The following RAI14 variants were observed in gnomAD, a reference collection of about 807,000 sequenced individuals.
The protein encoded by RAI14 is retinoic acid induced 14, also known as ankycorbin.
In RAI14, 45 loss-of-function variants were observed where a neutral mutation model predicts 115.4. The ratio of observed to expected loss-of-function variants is 0.39; its 90% confidence interval spans 0.31 to 0.50. The LOEUF (loss-of-function observed/expected upper bound fraction) is 0.50. RAI14 is among the 20% of genes least tolerant of loss of function. RAI14 has a pLI of 0.85. For synonymous variants in RAI14, 371 were observed against 415.4 expected, an observed-to-expected ratio of 0.89 and a Z score of 1.30; for missense variants, 939 against 1,131.2, an observed-to-expected ratio of 0.83 and a Z score of 2.44.
At chr5:34,684,930 G>T (rs982709474) in intron 1 of RAI14, 2 of 152,242 alleles carry the variant, frequency 1.3e-5, no homozygotes, top group African/African-American at 4.8e-5. Context: ...CTCACTTGCA[G>T]TGGGCTTGAC....
intron 3 of RAI14, among the ~76,000 whole-genome samples, chr5:34,776,945 G>T (rs868681023): frequency 3.2e-4 from 48 of 152,212 alleles, no homozygotes; most frequent in Middle Eastern, 6.8e-3. Context: ...GAGGTGGGAG[G>T]ATCACTTGAG....
Position 34,824,024 on chromosome 5 carries a change from G to A in RAI14, c.2182G>A (p.Val728Ile). The A allele has an allele frequency of 6.2e-7, 1 of 1,614,086 alleles. No individual in the cohort carries two copies. Among genetic ancestry groups the A allele is most frequent in the Non-Finnish European group, 8.5e-7 (1 of 1,179,932 alleles). ...QLVDAQKENS[V>I]SITEHLQVIT... ...GGTGGATGCACAAAAAGAGAACTCTGTCTCTATCACAGAACATTTGCAAGT... is the reference window on the plus strand; with the variant it reads ...GGTGGATGCACAAAAAGAGAACTCTATCTCTATCACAGAACATTTGCAAGT... The change falls in exon 15 of 18, where the codon GTC (valine) becomes ATC (isoleucine). Residue 728 changes from valine to isoleucine, a missense_variant. Val to Ile is a conservative substitution (Grantham distance 29, BLOSUM62 3). Coordinates refer to ENST00000265109, the MANE Select transcript of RAI14 (RefSeq NM_015577.3).
chr5:34,676,348 CA>C (rs1387574388), intron 1 of RAI14, among the ~76,000 whole-genome samples: 2 of 152,146 alleles, frequency 1.3e-5, no homozygotes, highest in Admixed American at 6.5e-5. Flanking sequence ...TAATGAACAT[CA>C]AAAGATAAGT....
intron 3 of RAI14, among the ~76,000 whole-genome samples, chr5:34,768,473 C>G (rs965678184): frequency 1.3e-5 from 2 of 152,118 alleles, no homozygotes; most frequent in Admixed American, 1.3e-4. Flanking sequence ...CTGATGCTCT[C>G]AATCACCCTG....
At chr5:34,677,259 G>A (rs1291309129) in intron 1 of RAI14, among the ~76,000 whole-genome samples, 2 of 151,588 alleles carry the variant, frequency 1.3e-5, no homozygotes, top group Admixed American at 1.3e-4. Context: ...TTGTCTCCTG[G>A]CTTCAAGTGA....
At chr5:34,806,256 G>A (rs1056598045) in intron 5 of RAI14, among the ~76,000 whole-genome samples, 3 of 152,180 alleles carry the variant, frequency 2.0e-5, no homozygotes, top group Non-Finnish European at 2.9e-5. Context: ...GTGGGCCTGG[G>A]GCAGAGCAAG....
At position 34,818,871 on chromosome 5, in the gene RAI14, G is replaced by GTT. The variant is rs3884194; in HGVS notation, c.994+30_994+31dup. The GTT allele has an allele frequency of 5.2e-3, 7,355 of 1,425,326 alleles. No individual in the cohort carries two copies. Among genetic ancestry groups the GTT allele is most frequent in the South Asian group, 6.7e-3 (513 of 76,086 alleles). The allele number at this position is 1,425,326 out of a possible 1,614,324, so 88.3% of individuals were successfully genotyped here. On this transcript the variant is annotated intron_variant, in intron 13 of 17. Coordinates refer to ENST00000265109, the MANE Select transcript of RAI14 (RefSeq NM_015577.3). ...CTACAGGTAAGACAAGGAAGCATCT[G>GTT]TTTTTTTTTTTCCTTCAACCAAACT... is the stretch of plus-strand genomic sequence containing the variant.
intron 3 of RAI14, among the ~76,000 whole-genome samples, chr5:34,794,591 T>G (rs998507277): frequency 2.0e-5 from 3 of 152,186 alleles, no homozygotes; most frequent in Admixed American, 2.0e-4. Flanking sequence ...CCAGGTAAGC[T>G]AAAATAATTA....
At chr5:34,662,932 G>A (rs1169332313) in intron 1 of RAI14, among the ~76,000 whole-genome samples, 2 of 151,520 alleles carry the variant, frequency 1.3e-5, no homozygotes, top group South Asian at 2.1e-4. Flanking sequence ...TTTCATGTTG[G>A]CCATGGCTGG....
Position 34,812,163 on chromosome 5 carries a change from CA to C in RAI14, c.737-16del, listed in dbSNP as rs745408857. 5.3e-5 allele frequency: 83 copies of C among 1,567,230 alleles called. No homozygotes were observed. Among genetic ancestry groups the C allele is most frequent in the Non-Finnish European group, 7.2e-5 (82 of 1,144,080 alleles). On this transcript the variant is annotated splice_polypyrimidine_tract_variant and intron_variant, in intron 9 of 17. Coordinates refer to ENST00000265109, the MANE Select transcript of RAI14 (RefSeq NM_015577.3). ...TTATGCTTCTTATAGTTCTTTTTTTCACTTTTTCCTCTATAGATTTAAAGAC... is the reference window on the plus strand; with the variant it reads ...TTATGCTTCTTATAGTTCTTTTTTTCCTTTTTCCTCTATAGATTTAAAGAC...
intron 3 of RAI14, among the ~76,000 whole-genome samples, chr5:34,775,853 G>T (rs11949354): frequency 2.6e-5 from 4 of 152,090 alleles, no homozygotes; most frequent in South Asian, 4.1e-4. Context: ...TATGGAGAAC[G>T]GTTTGGAGGT....
At chr5:34,812,680 G>A (rs1377704712) in intron 10 of RAI14, among the ~76,000 whole-genome samples, 2 of 151,772 alleles carry the variant, frequency 1.3e-5, no homozygotes, top group African/African-American at 4.8e-5. Flanking sequence ...AAAAAAGGTG[G>A]TAAAGCTTTC....
At chr5:34,687,602 T>G in intron 2 of RAI14, 1 of 1,518,388 alleles carries the variant, frequency 6.6e-7, no homozygotes, top group South Asian at 1.3e-5. Context: ...TAATATTTTT[T>G]TAAAAGGTCA....
intron 2 of RAI14, among the ~76,000 whole-genome samples, chr5:34,741,996 A>G (rs1181399326): frequency 2.0e-5 from 3 of 152,194 alleles, no homozygotes; most frequent in Non-Finnish European, 4.4e-5. Flanking sequence ...AGTAGGAACC[A>G]AAAAGGTGTT....
intron 12 of RAI14, among the ~76,000 whole-genome samples, chr5:34,818,322 T>G (rs1056833403): frequency 6.6e-6 from 1 of 152,206 alleles, no homozygotes; most frequent in East Asian, 1.9e-4. Flanking sequence ...TTAGAAAAGT[T>G]AATAGTAACT....
chr5:34,800,551 TGA>T (rs1195268455), intron 4 of RAI14, among the ~76,000 whole-genome samples: 1 of 152,224 alleles, frequency 6.6e-6, no homozygotes, highest in Non-Finnish European at 1.5e-5. Context: ...ATAGTAGCAA[TGA>T]GAGACATCTT....
At chr5:34,777,972 C>T (rs1751096611) in intron 3 of RAI14, among the ~76,000 whole-genome samples, 1 of 152,062 alleles carries the variant, frequency 6.6e-6, no homozygotes, top group African/African-American at 2.4e-5. Flanking sequence ...GCAACAATGT[C>T]TTGTCTATTG....
chr5:34,757,117 G>A lies in RAI14; in HGVS notation c.37-351G>A, dbSNP rs768988458. ...GCTGTGGATGAGGTCAAAGGCCAACGTGCTGAGGAGCAGCTGTCTAGTTCA... is the reference window on the plus strand; with the variant it reads ...GCTGTGGATGAGGTCAAAGGCCAACATGCTGAGGAGCAGCTGTCTAGTTCA... On this transcript the variant is annotated intron_variant, in intron 2 of 17. Coordinates refer to ENST00000265109, the MANE Select transcript of RAI14 (RefSeq NM_015577.3). 5.3e-5 allele frequency among the ~76,000 whole-genome samples: 8 copies of A among 152,194 alleles called. No homozygotes were observed. In the South Asian group the frequency reaches 1.0e-3, roughly 20 times the overall value.
chr5:34,727,901 T>G (rs1743672771), intron 2 of RAI14, among the ~76,000 whole-genome samples: 1 of 152,160 alleles, frequency 6.6e-6, no homozygotes, highest in Non-Finnish European at 1.5e-5. Context: ...GAGTCCCCAC[T>G]GGGGCACTGC....
Sources: gnomAD v4.1 joint callset for allele counts (sites outside exome capture counted in the v4.1 genomes callset) on GRCh38, gnomAD v4.1.1 for gene constraint, MANE v1.5 for transcripts, NCBI Gene and HGNC (gene_info 2026-07-23, HGNC 2026-07-21) for gene names.